The following HCRTR2 variants were observed in gnomAD, a reference collection of about 807,000 sequenced individuals.
HCRTR2 encodes the protein hypocretin receptor 2.
In HCRTR2, 22 loss-of-function variants were observed where a neutral mutation model predicts 49.0. The ratio of observed to expected loss-of-function variants is 0.45; its 90% CI spans 0.32 to 0.64. The LOEUF is 0.64. Ranked by LOEUF, HCRTR2 falls within the 30% of genes least tolerant of loss-of-function variation. The pLI is 0.04. For missense variants in HCRTR2, 491 were observed against 559.4 expected, an observed-to-expected ratio of 0.88 and a Z score of 1.23; for synonymous variants, 236 against 205.3, an observed-to-expected ratio of 1.15 and a Z score of -1.28.
chr6:55,167,765 T>C (rs1764898294), intron 1 of HCRTR2, among the ~76,000 whole-genome samples: 2 of 152,322 alleles, frequency 1.3e-5, no homozygotes, highest in Admixed American at 6.5e-5. Context: ...CCCAAAGTTA[T>C]AGTTTGTACT....
At chr6:55,281,634 G>T (rs1226251583) in intron 6 of HCRTR2, among the ~76,000 whole-genome samples, 1 of 152,164 alleles carries the variant, frequency 6.6e-6, no homozygotes, top group Non-Finnish European at 1.5e-5. Flanking sequence ...CATTCTCATA[G>T]TTCTCCAATA....
chr6:55,222,787 A>G (rs1482137905), intron 1 of HCRTR2, among the ~76,000 whole-genome samples: 1 of 152,208 alleles, frequency 6.6e-6, no homozygotes. Context: ...GAGTAAGAGT[A>G]AGAGGAAAGT....
intron 1 of HCRTR2, among the ~76,000 whole-genome samples, chr6:55,225,398 A>G (rs1277448662): frequency 6.6e-6 from 1 of 151,936 alleles, no homozygotes; most frequent in Non-Finnish European, 1.5e-5. Flanking sequence ...TCATCCTTCT[A>G]TGAGTTGAAT....
chr6:55,118,182 T>A (rs1764146463), intron 1 of HCRTR2, among the ~76,000 whole-genome samples: 1 of 151,810 alleles, frequency 6.6e-6, no homozygotes, highest in Non-Finnish European at 1.5e-5. Flanking sequence ...TTAGTTTGCT[T>A]AGGATAATGA....
At chr6:55,136,930 A>T (rs1449769891) in intron 1 of HCRTR2, among the ~76,000 whole-genome samples, 2 of 152,144 alleles carry the variant, frequency 1.3e-5, no homozygotes, top group Non-Finnish European at 2.9e-5. Flanking sequence ...TTGCTGATAC[A>T]GGGGTAGAGG....
At chr6:55,245,640 A>C (rs969600919) in intron 1 of HCRTR2, among the ~76,000 whole-genome samples, 4 of 151,330 alleles carry the variant, frequency 2.6e-5, no homozygotes, top group Non-Finnish European at 5.9e-5. Flanking sequence ...AAATGATTGC[A>C]GGTATGGATA....
intron 1 of HCRTR2, among the ~76,000 whole-genome samples, chr6:55,198,393 C>T (rs1765455785): frequency 6.6e-6 from 1 of 152,126 alleles, no homozygotes; most frequent in Non-Finnish European, 1.5e-5. Flanking sequence ...AAATTAACCC[C>T]AACACTATCT....
chr6:55,137,954 T>C (rs983644176), intron 1 of HCRTR2, among the ~76,000 whole-genome samples: 2 of 152,184 alleles, frequency 1.3e-5, no homozygotes, highest in Non-Finnish European at 2.9e-5. Flanking sequence ...AACTTTAGCC[T>C]TCAGTTTCTT....
intron 4 of HCRTR2, among the ~76,000 whole-genome samples, chr6:55,276,372 TG>T (rs1767076972): frequency 6.6e-6 from 1 of 152,234 alleles, no homozygotes; most frequent in Non-Finnish European, 1.5e-5. Flanking sequence ...GACTTTGATC[TG>T]GTGGTGTAAA....
At chr6:55,195,340 G>A (rs564204896) in intron 1 of HCRTR2, among the ~76,000 whole-genome samples, 4 of 152,230 alleles carry the variant, frequency 2.6e-5, no homozygotes, top group African/African-American at 9.6e-5. Flanking sequence ...GATACCATGA[G>A]GAAAGTGATC....
chr6:55,217,284 T>G (rs1765805018), intron 1 of HCRTR2, among the ~76,000 whole-genome samples: 1 of 152,208 alleles, frequency 6.6e-6, no homozygotes, highest in Non-Finnish European at 1.5e-5. Flanking sequence ...CTCCCTTCTA[T>G]CAGTGCTAAT....
chr6:55,158,350 C>T (rs1764758789), intron 1 of HCRTR2, among the ~76,000 whole-genome samples: 2 of 152,314 alleles, frequency 1.3e-5, no homozygotes, highest in Admixed American at 1.3e-4. Context: ...CCACCAGGGC[C>T]TTGGGTTTCA....
intron 1 of HCRTR2, among the ~76,000 whole-genome samples, chr6:55,146,300 G>T (rs1276720886): frequency 1.3e-5 from 2 of 152,048 alleles, no homozygotes; most frequent in East Asian, 3.9e-4. Flanking sequence ...AAGGACACTG[G>T]CATTAATGCA....
chr6:55,262,388 T>C (rs1375870291), intron 3 of HCRTR2, among the ~76,000 whole-genome samples: 1 of 135,774 alleles, frequency 7.4e-6, no homozygotes, highest in African/African-American at 2.9e-5. Flanking sequence ...TATAATATTA[T>C]ATATAAATAT....
chr6:55,159,600 G>C (rs1179584580), intron 1 of HCRTR2, among the ~76,000 whole-genome samples: 1 of 152,188 alleles, frequency 6.6e-6, no homozygotes, highest in East Asian at 1.9e-4. Flanking sequence ...AAAATGGTTA[G>C]AGTAATTGCT....
At chr6:55,247,269 G>C (rs963261316) in intron 1 of HCRTR2, among the ~76,000 whole-genome samples, 3 of 152,074 alleles carry the variant, frequency 2.0e-5, no homozygotes, top group African/African-American at 7.2e-5. Context: ...ATATTACCAC[G>C]TGAGAGTTAG....
At chr6:55,282,626 C>A (rs1767219007), downstream of HCRTR2, 1 of 599,068 alleles carries the variant, frequency 1.7e-6, no homozygotes, top group African/African-American at 1.9e-5. Flanking sequence ...AATGATTTCT[C>A]AACTTTTGAT....
intron 1 of HCRTR2, among the ~76,000 whole-genome samples, chr6:55,184,171 C>T (rs78909956): frequency 0.34 from 51,970 of 152,024 alleles, 9,194 homozygotes; most frequent in Admixed American, 0.42. Flanking sequence ...ACAGGCAATC[C>T]GCCCACCTTG....
intron 1 of HCRTR2, among the ~76,000 whole-genome samples, chr6:55,218,039 T>G (rs1047663870): frequency 6.6e-6 from 1 of 152,202 alleles, no homozygotes. Flanking sequence ...TCTCATTGTA[T>G]CATAACATGG....
Sources: gnomAD v4.1 joint callset for allele counts (sites outside exome capture counted in the v4.1 genomes callset) on GRCh38, gnomAD v4.1.1 for gene constraint, MANE v1.5 for transcripts, NCBI Gene and HGNC (gene_info 2026-07-23, HGNC 2026-07-21) for gene names.